Variants in RIMS2 observed in about 807,000 individuals in gnomAD.
The protein encoded by RIMS2 is regulating synaptic membrane exocytosis 2.
Under a neutral mutation model 174.4 loss-of-function variants are expected in RIMS2, and 59 were observed. The ratio of observed to expected loss-of-function variants is 0.34; its 90% confidence interval spans 0.27 to 0.42. The LOEUF (loss-of-function observed/expected upper bound fraction) is 0.42, where lower values mean the gene tolerates loss of function less well. RIMS2 is among the 10% of genes least tolerant of loss of function. The pLI is 1.00. For missense variants in RIMS2, 1,620 were observed against 1,666.3 expected (o/e 0.97, Z 0.48); for synonymous variants, 606 against 572.5 (o/e 1.06, Z -0.84).
intron 3 of RIMS2, among the ~76,000 whole-genome samples, chr8:103,827,998 A>T (rs1564796273): frequency 6.6e-6 from 1 of 151,914 alleles, no homozygotes; most frequent in Non-Finnish European, 1.5e-5. Context: ...TGCTAATTTT[A>T]TTAGTTTAGC....
At chr8:103,701,664 A>T (rs1365353957) in intron 2 of RIMS2, among the ~76,000 whole-genome samples, 1 of 151,964 alleles carries the variant, frequency 6.6e-6, no homozygotes, top group Non-Finnish European at 1.5e-5. Flanking sequence ...TTGCTCCCAC[A>T]TGTGAATGAG....
intron 19 of RIMS2, among the ~76,000 whole-genome samples, chr8:104,085,889 G>T (rs548909126): frequency 1.3e-4 from 20 of 152,220 alleles, no homozygotes; most frequent in Admixed American, 5.2e-4. Flanking sequence ...CCAGCAAAAG[G>T]AAGTACAGGA....
intron 19 of RIMS2, among the ~76,000 whole-genome samples, chr8:104,095,250 G>A (rs1055741275): frequency 6.6e-6 from 1 of 152,058 alleles, no homozygotes; most frequent in African/African-American, 2.4e-5. Context: ...CTTTATTCTG[G>A]CTCTGGTTCC....
At chr8:104,240,126 C>G (rs1378766638) in intron 19 of RIMS2, among the ~76,000 whole-genome samples, 1 of 152,186 alleles carries the variant, frequency 6.6e-6, no homozygotes, top group Non-Finnish European at 1.5e-5. Flanking sequence ...TGGAACCAGA[C>G]AGAGAAAGCA....
intron 19 of RIMS2, among the ~76,000 whole-genome samples, chr8:104,136,276 G>A (rs985332669): frequency 6.6e-6 from 1 of 152,142 alleles, no homozygotes; most frequent in Non-Finnish European, 1.5e-5. Context: ...CAATAATACA[G>A]CACTTAAATT....
At chr8:103,937,110 A>G (rs1470746543) in intron 13 of RIMS2, among the ~76,000 whole-genome samples, 3 of 148,508 alleles carry the variant, frequency 2.0e-5, no homozygotes, top group Non-Finnish European at 4.5e-5. Flanking sequence ...AAAAAAAATA[A>G]TTAAAGATAA....
intron 1 of RIMS2, among the ~76,000 whole-genome samples, chr8:103,568,389 G>A (rs1023353465): frequency 1.3e-5 from 2 of 152,232 alleles, no homozygotes; most frequent in African/African-American, 4.8e-5. Flanking sequence ...TTTATCAAGA[G>A]TGAAAATTGG....
intron 1 of RIMS2, among the ~76,000 whole-genome samples, chr8:103,674,123 C>A (rs1386827977): frequency 6.6e-6 from 1 of 152,224 alleles, no homozygotes; most frequent in Non-Finnish European, 1.5e-5. Context: ...CAGTAAGGTT[C>A]TCATTTCCAT....
intron 17 of RIMS2, among the ~76,000 whole-genome samples, chr8:104,001,669 G>A (rs886806392): frequency 6.6e-6 from 1 of 151,762 alleles, no homozygotes; most frequent in Admixed American, 6.6e-5. Context: ...AACTTTCTAA[G>A]TTTCTCTTCC....
rs1272975359 is a variant in RIMS2, at chr8:103,912,970, G to GTTTTT, written c.1812+814_1812+818dup. ...CTGTCTCTAGCAAACTTTTTTTGTT[G>GTTTTT]TTTTTTTTTTTTTTTTTTTTGAGAT... On this transcript the variant is annotated intron_variant, in intron 6 of 23. Coordinates refer to ENST00000504942, the Ensembl canonical transcript of RIMS2. Among the ~76,000 whole-genome samples the GTTTTT allele has an allele frequency of 3.8e-3, 437 of 114,820 alleles. 7 individuals carry two copies. The highest frequency in any genetic ancestry group is 5.7e-3 in the Non-Finnish European group (324 of 56,484). The allele number at this position is 114,820 out of a possible 152,430, so 75.3% of individuals were successfully genotyped here.
At chr8:104,060,601 C>G (rs1253876880) in intron 19 of RIMS2, among the ~76,000 whole-genome samples, 1 of 151,260 alleles carries the variant, frequency 6.6e-6, no homozygotes, top group Non-Finnish European at 1.5e-5. Flanking sequence ...TTATTTCTTG[C>G]CTTCTGCTAG....
At chr8:103,936,824 G>GA in intron 13 of RIMS2, 102 bp downstream of exon 15, 3 of 897,012 alleles carry the variant, frequency 3.3e-6, no homozygotes, top group Non-Finnish European at 3.3e-6. Flanking sequence ...GGCCAGGCAT[G>GA]GTGGCTCATG....
intron 1 of RIMS2, among the ~76,000 whole-genome samples, chr8:103,649,546 G>C (rs2135780244): frequency 6.6e-6 from 1 of 151,998 alleles, no homozygotes; most frequent in East Asian, 1.9e-4. Context: ...TTGCAACTTG[G>C]TTCCATTCTC....
chr8:103,696,561 T>G (rs2097103006), intron 1 of RIMS2, among the ~76,000 whole-genome samples: 1 of 152,148 alleles, frequency 6.6e-6, no homozygotes, highest in Non-Finnish European at 1.5e-5. Context: ...AATTGGTTAT[T>G]TAATATGTAT....
intron 19 of RIMS2, among the ~76,000 whole-genome samples, chr8:104,162,936 C>T (rs1410831821): frequency 1.3e-5 from 2 of 152,164 alleles, no homozygotes; most frequent in Admixed American, 6.5e-5. Context: ...GTATATGGAG[C>T]TGCTGAATGC....
At chr8:103,500,809 C>G in exon 1 of RIMS2, 1 of 897,222 alleles carries the variant, frequency 1.1e-6, no homozygotes, top group Non-Finnish European at 1.7e-6. Context: ...TGGAGGCTGC[C>G]CCAGCCGCCG....
intron 1 of RIMS2, among the ~76,000 whole-genome samples, chr8:103,672,463 G>C (rs1355634334): frequency 6.6e-6 from 1 of 151,852 alleles, no homozygotes; most frequent in East Asian, 2.0e-4. Flanking sequence ...ATCTGCTTGG[G>C]CTTTTAGGGA....
intron 2 of RIMS2, among the ~76,000 whole-genome samples, chr8:103,737,189 T>C (rs2097696972): frequency 7.5e-6 from 1 of 133,862 alleles, no homozygotes; most frequent in Admixed American, 7.7e-5. Flanking sequence ...TTTTTTTTTT[T>C]TTTTTTTTTT....
chr8:103,702,429 T>C (rs544062258), intron 2 of RIMS2, among the ~76,000 whole-genome samples: 13 of 152,308 alleles, frequency 8.5e-5, no homozygotes, highest in African/African-American at 1.2e-4. Flanking sequence ...GCATGATCTT[T>C]TAGCTTGATG....
Sources: allele counts gnomAD v4.1 joint callset (sites outside exome capture counted in the v4.1 genomes callset), GRCh38; gene constraint gnomAD v4.1.1; transcripts MANE v1.5; gene names NCBI Gene and HGNC (gene_info 2026-07-23, HGNC 2026-07-21).